The following IMMP2L variants were observed in gnomAD, a reference collection of about 807,000 sequenced individuals.
The protein encoded by IMMP2L is inner mitochondrial membrane peptidase subunit 2, also known as mitochondrial inner membrane protease subunit 2.
In IMMP2L, 18 loss-of-function variants were observed where a neutral mutation model predicts 19.3. The observed-to-expected ratio is 0.93, with a 90% CI of 0.64 to 1.38. IMMP2L has a LOEUF of 1.38. Ranked by LOEUF, IMMP2L falls within the 40% of genes most tolerant of loss-of-function variation. The probability of loss-of-function intolerance (pLI) is 0.00; values close to 1 mark genes in which losing one functional copy is unlikely to be tolerated. For missense variants in IMMP2L, 233 were observed against 218.2 expected (o/e 1.07, Z -0.43); for synonymous variants, 76 against 73.0 (o/e 1.04, Z -0.21).
intron 1 of IMMP2L, among the ~76,000 whole-genome samples, chr7:111,550,029 A>G (rs2133076097): frequency 6.6e-6 from 1 of 152,190 alleles, no homozygotes; most frequent in South Asian, 2.1e-4. Context: ...ACATAATAAC[A>G]GTGCTAAATA....
At chr7:110,978,806 C>T (rs1225044812) in intron 3 of IMMP2L, among the ~76,000 whole-genome samples, 1 of 151,944 alleles carries the variant, frequency 6.6e-6, no homozygotes, top group African/African-American at 2.4e-5. Flanking sequence ...TTTTCTAACC[C>T]TTTGATCTCT....
intron 5 of IMMP2L, among the ~76,000 whole-genome samples, chr7:110,776,839 C>T (rs1799422339): frequency 6.6e-6 from 1 of 151,942 alleles, no homozygotes. Context: ...CTACTTCTTA[C>T]TTTATACCTC....
intron 3 of IMMP2L, among the ~76,000 whole-genome samples, chr7:111,089,062 A>G (rs1796591018): frequency 6.6e-6 from 1 of 152,212 alleles, no homozygotes. Context: ...TTGCAGGAAG[A>G]GCACTCTGAT....
chr7:111,017,363 C>T (rs2129565442), intron 3 of IMMP2L, among the ~76,000 whole-genome samples: 1 of 152,094 alleles, frequency 6.6e-6, no homozygotes, highest in Non-Finnish European at 1.5e-5. Flanking sequence ...TGCGCCCAGC[C>T]TTGTTATTTT....
chr7:111,549,394 T>C lies in IMMP2L; in HGVS notation c.-3+12457A>G, dbSNP rs140950430. On this transcript the variant is annotated intron_variant, in intron 1 of 5. Transcript: ENST00000405709. ...CAGACAAAAAGTGACTTGTTCATGTTCACATAGGTAATAACAGAGCTAGCA... is the reference window on the plus strand; with the variant it reads ...CAGACAAAAAGTGACTTGTTCATGTCCACATAGGTAATAACAGAGCTAGCA... Among the ~76,000 whole-genome samples, 64 of 152,286 alleles carry C rather than the reference T, an allele frequency of 4.2e-4. 1 individual carries two copies. In the East Asian group the frequency reaches 0.012, roughly 28 times the overall value.
At chr7:110,682,678 TTATTGAATCTGAGAGTCC>T (rs1413405733) in intron 5 of IMMP2L, among the ~76,000 whole-genome samples, 1 of 152,116 alleles carries the variant, frequency 6.6e-6, no homozygotes, top group African/African-American at 2.4e-5. Context: ...CAGTTTTGTA[TTATTGAATCTGAGAGTCC>T]TATTGAATGC....
intron 4 of IMMP2L, among the ~76,000 whole-genome samples, chr7:110,931,899 G>C (rs746497800): frequency 5.3e-5 from 8 of 152,022 alleles, no homozygotes; most frequent in Non-Finnish European, 1.2e-4. Context: ...AGCACCTTAA[G>C]GTCCTGCTTT....
At chr7:111,409,927 G>T (rs759573383) in intron 3 of IMMP2L, among the ~76,000 whole-genome samples, 1 of 151,810 alleles carries the variant, frequency 6.6e-6, no homozygotes, top group Non-Finnish European at 1.5e-5. Context: ...AGTCCAAACT[G>T]TGGTATAAGA....
intron 4 of IMMP2L, among the ~76,000 whole-genome samples, chr7:110,923,492 G>T (rs925639995): frequency 5.3e-5 from 8 of 152,088 alleles, no homozygotes; most frequent in Non-Finnish European, 1.2e-4. Context: ...AGCATAAAAG[G>T]TGAACTCTTA....
chr7:111,358,704 C>G (rs1828967789), intron 3 of IMMP2L, among the ~76,000 whole-genome samples: 1 of 152,108 alleles, frequency 6.6e-6, no homozygotes, highest in South Asian at 2.1e-4. Flanking sequence ...AAAGTAAAGT[C>G]TTCCCATGGC....
chr7:111,047,175 GTTT>G (rs139873770), intron 3 of IMMP2L, among the ~76,000 whole-genome samples: 2 of 146,744 alleles, frequency 1.4e-5, no homozygotes, highest in African/African-American at 2.7e-5. Flanking sequence ...TGTCTTTTTT[GTTT>G]TTTTTTTGTT....
chr7:110,970,452 G>A (rs1296830726), intron 3 of IMMP2L, among the ~76,000 whole-genome samples: 3 of 151,978 alleles, frequency 2.0e-5, no homozygotes, highest in East Asian at 1.9e-4. Context: ...ATTCTACCAC[G>A]TAACATGGAG....
At chr7:110,852,644 A>C (rs908983155) in intron 5 of IMMP2L, among the ~76,000 whole-genome samples, 1 of 152,016 alleles carries the variant, frequency 6.6e-6, no homozygotes, top group Non-Finnish European at 1.5e-5. Context: ...CCAGGAAGGG[A>C]GATGTCTCTA....
chr7:110,946,495 G>A (rs115797015), intron 4 of IMMP2L, among the ~76,000 whole-genome samples: 1,890 of 152,088 alleles, frequency 0.012, 33 homozygotes, highest in African/African-American at 0.042. Flanking sequence ...ACAGGTAAAT[G>A]TATCAAAGTT....
intron 3 of IMMP2L, among the ~76,000 whole-genome samples, chr7:111,092,336 T>G (rs1796958932): frequency 6.6e-6 from 1 of 152,190 alleles, no homozygotes; most frequent in African/African-American, 2.4e-5. Flanking sequence ...TTAAGAAAAT[T>G]GTTTGTTCTA....
In IMMP2L at chr7:110,785,168, T is replaced by C. The variant is rs140108597; in HGVS notation, c.408+101425A>G. Among the ~76,000 whole-genome samples, 705 of 152,016 alleles carry C rather than the reference T, an allele frequency of 4.6e-3. 5 individuals are homozygous for C. Among genetic ancestry groups the C allele is most frequent in the African/African-American group, 0.016 (663 of 41,524 alleles). On this transcript the variant is annotated intron_variant, in intron 5 of 5. Coordinates refer to ENST00000405709, the MANE Select transcript of IMMP2L (RefSeq NM_032549.4). ...GCTCAATTATGTCTGAAGTCCTTTT[T>C]ACCAAAAGCTATTGGTAAAATTAGA...
intron 3 of IMMP2L, among the ~76,000 whole-genome samples, chr7:111,406,427 T>C (rs1833905078): frequency 6.6e-6 from 1 of 152,066 alleles, no homozygotes; most frequent in Admixed American, 6.6e-5. Context: ...CTGTTCTTGG[T>C]CCCTTACACT....
At chr7:111,348,145 G>T (rs1403935298) in intron 3 of IMMP2L, among the ~76,000 whole-genome samples, 4 of 113,438 alleles carry the variant, frequency 3.5e-5, no homozygotes, top group Non-Finnish European at 1.7e-5. Context: ...TCGTGGGGTG[G>T]GGGGAGGGGG....
chr7:110,838,940 T>C (rs1804778632), intron 5 of IMMP2L, among the ~76,000 whole-genome samples: 1 of 152,140 alleles, frequency 6.6e-6, no homozygotes, highest in Admixed American at 6.6e-5. Context: ...CTAGTGATTT[T>C]GTTTTCCATG....
Sources: allele counts gnomAD v4.1 joint callset (sites outside exome capture counted in the v4.1 genomes callset), GRCh38; gene constraint gnomAD v4.1.1; transcripts MANE v1.5; gene names NCBI Gene and HGNC (gene_info 2026-07-23, HGNC 2026-07-21).